PPP6R1: variants seen among roughly 807,000 people sequenced by gnomAD.
PPP6R1 encodes serine/threonine-protein phosphatase 6 regulatory subunit 1.
A neutral mutation model predicts 104.6 loss-of-function variants in PPP6R1; 39 were observed. That is an observed-to-expected ratio of 0.37 (90% CI 0.29 to 0.49). The LOEUF (loss-of-function observed/expected upper bound fraction) is 0.49. PPP6R1 is among the 20% of genes least tolerant of loss of function. The probability of loss-of-function intolerance (pLI) is 0.98; values close to 1 mark genes in which losing one functional copy is unlikely to be tolerated. For missense variants in PPP6R1, 1,181 were observed against 1,155.8 expected (o/e 1.02, Z -0.32); for synonymous variants, 549 against 479.0 (o/e 1.15, Z -1.91).
intron 5 of PPP6R1, 191 bp from the exon 6 acceptor site, chr19:55,242,679 G>A (rs904441050): frequency 1.7e-6 from 1 of 589,580 alleles, no homozygotes; most frequent in South Asian, 1.9e-5. Flanking sequence ...AGAACAGGAA[G>A]CCCGGAAGGC....
Position 55,247,180 on chromosome 19 carries a change from A to G in PPP6R1, c.-6-71T>C, listed in dbSNP as rs915763008. The stretch of plus-strand genomic sequence containing the variant: ...GTCCCCACTGGACGAGGCACTGACC[A>G]CAGGGGCTGAGTGCCCACCTTGGGC... On this transcript the variant is annotated intron_variant, in intron 1 of 23. Transcript: ENST00000412770. 2.7e-6 allele frequency: 4 copies of G among 1,487,152 alleles called. No homozygotes were observed. In the Admixed American group the frequency reaches 6.8e-5, roughly 25 times the overall value. The allele number at this position is 1,487,152 out of a possible 1,614,324, so 92.1% of individuals were successfully genotyped here. A position where few individuals can be genotyped will look rare whatever the true frequency, so the allele number is the denominator to read the frequency against.
Position 55,246,861 on chromosome 19 carries a change from G to C in PPP6R1, c.227+16C>G. 1 of 1,564,384 alleles carries C rather than the reference G, an allele frequency of 6.4e-7. No individual in the cohort carries two copies. Among genetic ancestry groups the C allele is most frequent in the Non-Finnish European group, 8.7e-7 (1 of 1,152,482 alleles). ...ATGCTGATAGGGACGGGCTGGCCAG[G>C]AGCTGGGGAACTCACTTGTAGCGCA... On this transcript the variant is annotated intron_variant, in intron 2 of 23. Transcript: ENST00000412770.
chr19:55,239,785 G>C (rs774961536), intron 13 of PPP6R1, 41 bp downstream of exon 13: 3 of 1,603,222 alleles, frequency 1.9e-6, no homozygotes, highest in Admixed American at 1.7e-5. Flanking sequence ...CCAAGAGAGA[G>C]AAGCAGCAGG....
intron 10 of PPP6R1, 141 bp from the exon 11 acceptor site, chr19:55,240,441 T>C: frequency 1.2e-6 from 1 of 851,176 alleles, no homozygotes; most frequent in South Asian, 1.6e-5. Flanking sequence ...GAAGGAGGGA[T>C]GCAAGCTGGG....
rs765507073 is a variant in PPP6R1, at chr19:55,245,792, C to T, written c.228-114G>A. 1.1e-6 allele frequency: 1 copy of T among 882,530 alleles called. No individual in the cohort carries two copies. The highest frequency in any genetic ancestry group is 2.7e-5 in the East Asian group (1 of 37,722). 54.7% of individuals were successfully genotyped at this position (882,530 alleles called of 1,614,324 possible). On this transcript the variant is annotated intron_variant, in intron 2 of 23. Coordinates refer to ENST00000412770, the MANE Select transcript of PPP6R1 (RefSeq NM_014931.4). The surrounding 1 kb of genome is among the most constrained non-coding windows in gnomAD (Gnocchi z 6.4). ...ACTGGGTTTCTGGGAACTGCAGAGACCCCTGTCCAGGAAGGGGAAAGGGCA... is the reference window on the plus strand; with the variant it reads ...ACTGGGTTTCTGGGAACTGCAGAGATCCCTGTCCAGGAAGGGGAAAGGGCA...
chr19:55,239,698 G>A lies in PPP6R1; in HGVS notation c.1564-15C>T. The A allele has an allele frequency of 6.2e-7, 1 of 1,603,322 alleles. No homozygotes were observed. Among genetic ancestry groups the A allele is most frequent in the Non-Finnish European group, 8.5e-7 (1 of 1,173,252 alleles). ...TGGGTGTTCACCTGGGGAGAGGAGGGGGCGTCAGGGCCTGCTGGAGCCCCC... is the reference window on the plus strand; with the variant it reads ...TGGGTGTTCACCTGGGGAGAGGAGGAGGCGTCAGGGCCTGCTGGAGCCCCC... On this transcript the variant is annotated splice_polypyrimidine_tract_variant and intron_variant, in intron 13 of 23. Coordinates refer to ENST00000412770, the MANE Select transcript of PPP6R1 (RefSeq NM_014931.4).
chr19:55,257,293 T>G (rs2087600491), intron 1 of PPP6R1, among the ~76,000 whole-genome samples: 1 of 152,216 alleles, frequency 6.6e-6, no homozygotes, highest in African/African-American at 2.4e-5. Context: ...GCCCTTGGGC[T>G]GGATGAAATC....
chr19:55,257,126 G>A (rs749288896), intron 1 of PPP6R1, among the ~76,000 whole-genome samples: 19 of 150,292 alleles, frequency 1.3e-4, no homozygotes, highest in Non-Finnish European at 2.7e-4. Flanking sequence ...AGCACAAGCA[G>A]CTCCAACAGC....
chr19:55,239,930 T>C lies in PPP6R1; in HGVS notation c.1478-19A>G. 4 of 1,613,582 alleles carry C rather than the reference T, an allele frequency of 2.5e-6. No individual in the cohort carries two copies. Among genetic ancestry groups the C allele is most frequent in the Non-Finnish European group, 3.4e-6 (4 of 1,179,792 alleles). ...GGCAGCTCTGCTTAGGTGAGAGGGGTGAAGACGTGAGGCATCTCGGGGCTT... is the reference window on the plus strand; with the variant it reads ...GGCAGCTCTGCTTAGGTGAGAGGGGCGAAGACGTGAGGCATCTCGGGGCTT... On this transcript the variant is annotated intron_variant, in intron 12 of 23. Transcript: ENST00000412770.
In PPP6R1 at chr19:55,241,062, A is replaced by G. The variant is rs1220355472; in HGVS notation, c.1179T>C (p.Tyr393=). The G allele has an allele frequency of 1.9e-6, 3 of 1,553,194 alleles. No individual in the cohort carries two copies. The highest frequency in any genetic ancestry group is 2.6e-6 in the Non-Finnish European group (3 of 1,148,288). The change falls in exon 10 of 24, where the codon TAT becomes TAC. Residue 393 remains tyrosine, a synonymous_variant. Transcript: ENST00000412770. This position sits in a 1 kb window ranked among gnomAD's most constrained non-coding sequence, Gnocchi z 5.4. ...GGGCATGCAAGAAGTTGTTGAAGACATAATGGAAGAAGAGGTCCTATGGGA... is the reference window on the plus strand; with the variant it reads ...GGGCATGCAAGAAGTTGTTGAAGACGTAATGGAAGAAGAGGTCCTATGGGA... ...PNTMLDLFFH[Y]VFNNFLHAQV...
chr19:55,241,397 G>A lies in PPP6R1; in HGVS notation c.1009-6C>T, dbSNP rs1362435624. ...GTCATCTGTAGCGGCTCCAGCTGCA[G>A]ACACAGGGAGGCCTGATTCCCAAGG... On this transcript the variant is annotated splice_polypyrimidine_tract_variant and splice_region_variant and intron_variant, in intron 8 of 23. Transcript: ENST00000412770. The surrounding 1 kb of genome is among the most constrained non-coding windows in gnomAD (Gnocchi z 5.4). The A allele has an allele frequency of 1.9e-6, 3 of 1,605,542 alleles. No homozygotes were observed. Among genetic ancestry groups the A allele is most frequent in the Non-Finnish European group, 8.5e-7 (1 of 1,175,876 alleles).
rs1600101321 is a variant in PPP6R1 at position 55,230,290 on chromosome 19, A to G, written c.*238T>C. On this transcript the variant is annotated 3_prime_UTR_variant, in exon 24 of 24. Coordinates refer to ENST00000412770, the MANE Select transcript of PPP6R1 (RefSeq NM_014931.4). Reference sequence around the variant, plus strand: ...ATGTTTCTCTCTCTCCATTCTCTCTATTTGACTCTCTGTATCTTTATTCTA... The same window carrying G: ...ATGTTTCTCTCTCTCCATTCTCTCTGTTTGACTCTCTGTATCTTTATTCTA... 3.4e-6 allele frequency: 2 copies of G among 593,990 alleles called. No individual in the cohort carries two copies. The highest frequency in any genetic ancestry group is 3.0e-5 in the Admixed American group (1 of 33,836). The allele number at this position is 593,990 out of a possible 1,614,324, so 36.8% of individuals were successfully genotyped here. A position where few individuals can be genotyped will look rare whatever the true frequency, so the allele number is the denominator to read the frequency against.
rs372451345 is a variant in PPP6R1, at chr19:55,241,463, C to A, written c.1008+14G>T. The A allele has an allele frequency of 3.7e-6, 6 of 1,601,944 alleles. No individual in the cohort carries two copies. In the African/African-American group the frequency reaches 6.7e-5, roughly 18 times the overall value. The stretch of plus-strand genomic sequence containing the variant: ...TCCCCCGCCTCCCCGAGGACCAGAA[C>A]CCACACCCCTGACCTTGGGAGGCTC... On this transcript the variant is annotated intron_variant, in intron 8 of 23. Coordinates refer to ENST00000412770, the MANE Select transcript of PPP6R1 (RefSeq NM_014931.4). The surrounding 1 kb of genome is among the most constrained non-coding windows in gnomAD (Gnocchi z 5.4).
At chr19:55,234,803 C>T (rs1187987185) in intron 17 of PPP6R1, among the ~76,000 whole-genome samples, 1 of 152,184 alleles carries the variant, frequency 6.6e-6, no homozygotes, top group Admixed American at 6.5e-5. Flanking sequence ...GGAAGGAGCT[C>T]ACAAGCAGAG....
At chr19:55,228,514 T>A, downstream of PPP6R1, 2 of 1,576,346 alleles carry the variant, frequency 1.3e-6, no homozygotes, top group Non-Finnish European at 8.6e-7. Context: ...ATGGCTCCTG[T>A]CCCACCCCCA....
chr19:55,239,349 G>A (rs1240854468), intron 15 of PPP6R1, 56 bp downstream of exon 15: 26 of 1,511,158 alleles, frequency 1.7e-5, no homozygotes, highest in African/African-American at 8.3e-5. Context: ...ACAAGTAGGC[G>A]CGCCTGCTGC....
chr19:55,257,174 T>C (rs968706612), intron 1 of PPP6R1, among the ~76,000 whole-genome samples: 4 of 152,004 alleles, frequency 2.6e-5, no homozygotes, highest in African/African-American at 9.7e-5. Flanking sequence ...CCGGGCGCCG[T>C]GTCTCCATGT....
At chr19:55,234,061 T>G (rs2087373097) in intron 17 of PPP6R1, among the ~76,000 whole-genome samples, 1 of 152,212 alleles carries the variant, frequency 6.6e-6, no homozygotes. Flanking sequence ...GCGATATTCC[T>G]GCCTCAGCCT....
rs1164938671 is a variant in PPP6R1, at chr19:55,258,905, A to C, written c.-477T>G. On this transcript the variant is annotated 5_prime_UTR_variant, in exon 1 of 24. Coordinates refer to ENST00000412770, the MANE Select transcript of PPP6R1 (RefSeq NM_014931.4). ...GCAGAGCCGAGCAGCGACCGACGGA[A>C]GCCGAGGCCTACTTCCTTAACCACC... 1 of 152,192 alleles carries C rather than the reference A, an allele frequency of 6.6e-6. No homozygotes were observed. The highest frequency in any genetic ancestry group is 1.5e-5 in the Non-Finnish European group (1 of 68,046). The allele number at this position is 152,192 out of a possible 1,614,324, so 9.4% of individuals were successfully genotyped here. A position where few individuals can be genotyped will look rare whatever the true frequency, so the allele number is the denominator to read the frequency against.
Sources: allele counts gnomAD v4.1 joint callset (sites outside exome capture counted in the v4.1 genomes callset), GRCh38; gene constraint gnomAD v4.1.1; non-coding constraint Gnocchi (gnomAD v3.1); transcripts MANE v1.5; gene names NCBI Gene and HGNC (gene_info 2026-07-23, HGNC 2026-07-21).